The following AKAP13 variants were observed in gnomAD, a reference collection of about 807,000 sequenced individuals.
AKAP13 encodes the protein A-kinase anchor protein 13.
In AKAP13, 80 loss-of-function variants were observed where a neutral mutation model predicts 264.5. That is an observed-to-expected ratio of 0.30 (90% CI 0.25 to 0.36). The LOEUF (loss-of-function observed/expected upper bound fraction) is 0.36. AKAP13 is among the 10% of genes least tolerant of loss of function. AKAP13 has a pLI of 1.00. For missense variants in AKAP13, 3,712 were observed against 3,435.2 expected (o/e 1.08, Z -2.01); for synonymous variants, 1,380 against 1,250.2 (o/e 1.10, Z -2.19).
At chr15:85,737,859 G>A (rs755428151) in intron 33 of AKAP13, among the ~76,000 whole-genome samples, 19 of 151,908 alleles carry the variant, frequency 1.3e-4, no homozygotes, top group Non-Finnish European at 1.6e-4. Flanking sequence ...GGCTGGTCTC[G>A]AACTCCTGAC....
chr15:85,504,988 A>G (rs1420191556), intron 2 of AKAP13, among the ~76,000 whole-genome samples: 2 of 151,642 alleles, frequency 1.3e-5, no homozygotes, highest in Non-Finnish European at 2.9e-5. Context: ...GTGTGTGCGC[A>G]CATGTGTTTG....
At chr15:85,693,091 T>A (rs986607602) in intron 16 of AKAP13, 186 bp from the exon 17 acceptor site, 20 of 1,039,476 alleles carry the variant, frequency 1.9e-5, no homozygotes, top group Non-Finnish European at 2.2e-5. Context: ...AATTTTCTAA[T>A]GTAGCTTGCG....
intron 8 of AKAP13, among the ~76,000 whole-genome samples, chr15:85,590,111 T>C (rs778971854): frequency 3.3e-5 from 5 of 152,206 alleles, no homozygotes; most frequent in Non-Finnish European, 5.9e-5. Context: ...CCCGTCTATG[T>C]GTGTGCCTTG....
At chr15:85,469,168 G>A (rs573282939) in intron 1 of AKAP13, among the ~76,000 whole-genome samples, 1 of 148,402 alleles carries the variant, frequency 6.7e-6, no homozygotes, top group South Asian at 2.1e-4. Flanking sequence ...ACCCGCCTTG[G>A]CCTCCCAAAG....
intron 2 of AKAP13, among the ~76,000 whole-genome samples, chr15:85,507,397 A>AAAC (rs2076265562): frequency 6.6e-6 from 1 of 151,876 alleles, no homozygotes; most frequent in Non-Finnish European, 1.5e-5. Flanking sequence ...AAAAAAAAAA[A>AAAC]CATAAGAAAC....
intron 3 of AKAP13, 81 bp downstream of exon 3, chr15:85,521,656 A>C: frequency 1.4e-6 from 2 of 1,476,772 alleles, no homozygotes; most frequent in Non-Finnish European, 1.8e-6. Flanking sequence ...ATAGAGTGAC[A>C]GGAAGAGTGA....
At chr15:85,647,922 C>T (rs968077147) in intron 10 of AKAP13, among the ~76,000 whole-genome samples, 9 of 151,636 alleles carry the variant, frequency 5.9e-5, no homozygotes, top group African/African-American at 2.2e-4. Flanking sequence ...AGCGAGACTC[C>T]ATCTCAAAAA....
At chr15:85,481,318 G>T (rs1220213414) in intron 1 of AKAP13, among the ~76,000 whole-genome samples, 1 of 152,190 alleles carries the variant, frequency 6.6e-6, no homozygotes, top group Admixed American at 6.5e-5. Flanking sequence ...TGCACTTTAT[G>T]AAGAAAAGAC....
chr15:85,524,865 C>A (rs1263078454), intron 3 of AKAP13, among the ~76,000 whole-genome samples: 2 of 129,494 alleles, frequency 1.5e-5, no homozygotes, highest in African/African-American at 6.1e-5. Context: ...CCCCCTCTTT[C>A]CCCATTCCCC....
intron 2 of AKAP13, among the ~76,000 whole-genome samples, chr15:85,489,181 T>G (rs1214944527): frequency 6.6e-6 from 1 of 152,268 alleles, no homozygotes; most frequent in African/African-American, 2.4e-5. Context: ...CTTTGTTTTC[T>G]GGACTTAAGT....
At position 85,748,385 on chromosome 15, in the gene AKAP13, G is replaced by A. The variant is rs2089430507; in HGVS notation, c.*3708G>A. ...TAGAAATAACCCTGTGGATGGAATTGGGGCAGCGGCTGCTGGAGATCTGTG... is the reference window on the plus strand; with the variant it reads ...TAGAAATAACCCTGTGGATGGAATTAGGGCAGCGGCTGCTGGAGATCTGTG... On this transcript the variant is annotated 3_prime_UTR_variant, in exon 37 of 37. Transcript: ENST00000394518. The A allele has an allele frequency of 6.6e-6, 1 of 152,330 alleles. No individual in the cohort carries two copies. Among genetic ancestry groups the A allele is most frequent in the Middle Eastern group, 3.2e-3 (1 of 316 alleles). The allele number at this position is 152,330 out of a possible 1,614,324, so 9.4% of individuals were successfully genotyped here.
chr15:85,570,112 T>C (rs2078762039), intron 5 of AKAP13, among the ~76,000 whole-genome samples: 1 of 147,214 alleles, frequency 6.8e-6, no homozygotes, highest in East Asian at 2.1e-4. Context: ...GATTTTGATA[T>C]TTACTTATCA....
At chr15:85,407,102 A>C (rs1285431206) in intron 1 of AKAP13, among the ~76,000 whole-genome samples, 1 of 151,834 alleles carries the variant, frequency 6.6e-6, no homozygotes. Context: ...TAGGAATGCA[A>C]AGATAATTGG....
intron 30 of AKAP13, among the ~76,000 whole-genome samples, chr15:85,731,089 C>A (rs981788154): frequency 6.7e-6 from 1 of 148,514 alleles, no homozygotes; most frequent in Non-Finnish European, 1.5e-5. Flanking sequence ...ACTGCAACCT[C>A]CCCCTCCTGG....
At chr15:85,382,400 A>G (rs1479571812) in intron 1 of AKAP13, among the ~76,000 whole-genome samples, 1 of 152,204 alleles carries the variant, frequency 6.6e-6, no homozygotes, top group Admixed American at 6.5e-5. Flanking sequence ...CTTCAGGTAC[A>G]GCCATTGCAC....
intron 8 of AKAP13, among the ~76,000 whole-genome samples, chr15:85,623,773 C>G (rs973612254): frequency 6.6e-6 from 1 of 152,246 alleles, no homozygotes; most frequent in African/African-American, 2.4e-5. Flanking sequence ...TCCTGTTCCT[C>G]TGTATATGAC....
At chr15:85,534,033 A>G (rs1421163001) in intron 4 of AKAP13, 153 bp downstream of exon 4, 4 of 792,954 alleles carry the variant, frequency 5.0e-6, no homozygotes, top group Non-Finnish European at 7.7e-6. Context: ...CCTCAATGGC[A>G]TCTCTTCTAG....
intron 1 of AKAP13, among the ~76,000 whole-genome samples, chr15:85,444,236 AT>A (rs2150963967): frequency 6.6e-6 from 1 of 152,298 alleles, no homozygotes; most frequent in Admixed American, 6.5e-5. Flanking sequence ...GACAGGTGTT[AT>A]GCTTGGGTTC....
rs116508511 is a variant in AKAP13 at position 85,741,301 on chromosome 15, C to T, written c.7864C>T (p.Arg2622Cys). 7 of 1,611,218 alleles carry T rather than the reference C, an allele frequency of 4.3e-6. No individual in the cohort carries two copies. The highest frequency in any genetic ancestry group is 2.7e-5 in the African/African-American group (2 of 74,964). The change falls in exon 35 of 37, where the codon CGC becomes TGC. Residue 2622 changes from arginine (R) to cysteine (C), a missense_variant. By Grantham distance (180) the Arg-to-Cys change is radical. This residue lies in a region of AKAP13 where 611 missense variants were observed against 539.3 expected (regional missense o/e 1.13). Coordinates refer to ENST00000394518, the MANE Select transcript of AKAP13 (RefSeq NM_007200.5). ...LREREALLAQ[R>C]EEEVQQGQQD... ...GGAGCGGGAGGCCCTCCTGGCCCAG[C>T]GCGAGGAGGAGGTGCAGCAGGGGCA...
Sources: gnomAD v4.1 joint callset for allele counts (sites outside exome capture counted in the v4.1 genomes callset) on GRCh38, gnomAD v4.1.1 for gene constraint, gnomAD v4.1.1 regional missense constraint, MANE v1.5 for transcripts, NCBI Gene and HGNC (gene_info 2026-07-23, HGNC 2026-07-21) for gene names.